ZNF248: variants seen among roughly 807,000 people sequenced by gnomAD.
ZNF248 encodes zinc finger protein 248.
ZNF248 carries 20 observed loss-of-function variants against 44.3 expected under a neutral mutation model. That is an observed-to-expected ratio of 0.45 (90% confidence interval 0.32 to 0.66). The LOEUF is 0.66. Ranked by LOEUF, ZNF248 falls within the 30% of genes least tolerant of loss-of-function variation. The pLI, the probability that ZNF248 is intolerant of heterozygous loss-of-function variation, is 0.04. For synonymous variants in ZNF248, 224 were observed against 229.0 expected (o/e 0.98, Z 0.20); for missense variants, 654 against 677.0 (o/e 0.97, Z 0.38).
the ZNF248 span, among the ~76,000 whole-genome samples, chr10:37,766,241 G>T: frequency 6.6e-6 from 1 of 152,212 alleles, no homozygotes; most frequent in Non-Finnish European, 1.5e-5. Context: ...GTCCCTGTCT[G>T]ACAGCTTTGA....
chr10:37,816,605 G>A (rs1404037555), intron 6 of ZNF248, among the ~76,000 whole-genome samples: 1 of 152,132 alleles, frequency 6.6e-6, no homozygotes, highest in African/African-American at 2.4e-5. Context: ...CCTATGTTTA[G>A]CTTGGAATTC....
In ZNF248 at chr10:37,780,323, A is replaced by G. The variant is rs959996025; in HGVS notation, c.331-3748T>C. ...GTACTGGTACTAAAACAGAGATATAAATCAATGGAACAGAACAGAGCCCTC... is the reference window on the plus strand; with the variant it reads ...GTACTGGTACTAAAACAGAGATATAGATCAATGGAACAGAACAGAGCCCTC... On this transcript the variant is annotated intron_variant, in intron 6 of 6. Transcript: ENST00000615949. 2.9e-3 allele frequency among the ~76,000 whole-genome samples: 445 copies of G among 152,324 alleles called. 2 individuals carry two copies. The highest frequency in any genetic ancestry group is 0.01 in the African/African-American group (419 of 41,582).
At chr10:37,845,902 A>C (rs1198457121) in intron 3 of ZNF248, among the ~76,000 whole-genome samples, 2 of 152,202 alleles carry the variant, frequency 1.3e-5, no homozygotes, top group African/African-American at 4.8e-5. Flanking sequence ...TAAAAAATAA[A>C]ATACCAAGTC....
At chr10:37,855,962 T>C (rs1259492600) in intron 3 of ZNF248, among the ~76,000 whole-genome samples, 9 of 152,204 alleles carry the variant, frequency 5.9e-5, no homozygotes, top group Admixed American at 2.0e-4. Context: ...ACCTCAGCGT[T>C]TGTTCTCCTG....
chr10:37,834,331 G>A (rs1176884193), intron 5 of ZNF248, among the ~76,000 whole-genome samples: 1 of 152,100 alleles, frequency 6.6e-6, no homozygotes, highest in African/African-American at 2.4e-5. Context: ...CTTGGCAGGT[G>A]TTACTATAAT....
At chr10:37,804,694 G>C (rs1329927763) in intron 6 of ZNF248, among the ~76,000 whole-genome samples, 2 of 152,162 alleles carry the variant, frequency 1.3e-5, no homozygotes, top group South Asian at 2.1e-4. Flanking sequence ...ACCCTGCCTA[G>C]GTCGCCCAAA....
At chr10:37,811,149 A>G (rs2051426256) in intron 6 of ZNF248, among the ~76,000 whole-genome samples, 1 of 152,342 alleles carries the variant, frequency 6.6e-6, no homozygotes, top group Non-Finnish European at 1.5e-5. Context: ...AAAAAGATGG[A>G]TTGCTTAATA....
chr10:37,831,153 A>AC lies in ZNF248; in HGVS notation c.*461dup. On this transcript the variant is annotated 3_prime_UTR_variant, in exon 6 of 6. Coordinates refer to ENST00000395867, the MANE Select transcript of ZNF248 (RefSeq NM_021045.3). The stretch of plus-strand genomic sequence containing the variant: ...CCATAGTAGTTACTCAATTAAGGGT[A>AC]CGTATCTTCTCCTTATGATCATGTT... The AC allele has an allele frequency of 6.7e-7, 1 of 1,501,034 alleles. No homozygotes were observed. Among genetic ancestry groups the AC allele is most frequent in the Non-Finnish European group, 8.9e-7 (1 of 1,123,134 alleles). The allele number at this position is 1,501,034 out of a possible 1,614,324, so 93.0% of individuals were successfully genotyped here.
chr10:37,771,638 G>C (rs560396364), downstream of ZNF248, among the ~76,000 whole-genome samples: 3 of 130,516 alleles, frequency 2.3e-5, no homozygotes, highest in Admixed American at 8.2e-5. Flanking sequence ...GTGGAGGGAG[G>C]GGGGAGGGAT....
intron 6 of ZNF248, among the ~76,000 whole-genome samples, chr10:37,790,355 A>AGGCTG (rs2048358810): frequency 6.6e-6 from 1 of 151,498 alleles, no homozygotes; most frequent in Non-Finnish European, 1.5e-5. Context: ...TGAGGCTGGA[A>AGGCTG]AATCGCTTGA....
chr10:37,766,525 G>A, the ZNF248 span, among the ~76,000 whole-genome samples: 1 of 152,184 alleles, frequency 6.6e-6, no homozygotes, highest in Non-Finnish European at 1.5e-5. Context: ...GGTCTGGAGT[G>A]GACCTCTAGC....
At chr10:37,828,760 C>T (rs1315974716), downstream of ZNF248, 3 of 985,178 alleles carry the variant, frequency 3.0e-6, no homozygotes, top group Non-Finnish European at 3.6e-6. Flanking sequence ...ATTAATCAAA[C>T]AGTGCAGGGA....
chr10:37,767,672 G>C, the ZNF248 span, among the ~76,000 whole-genome samples: 1 of 152,134 alleles, frequency 6.6e-6, no homozygotes, highest in Admixed American at 6.5e-5. Context: ...GCAAAAACAT[G>C]CCAAAATGTA....
intron 6 of ZNF248, among the ~76,000 whole-genome samples, chr10:37,817,143 T>C (rs1347095769): frequency 6.6e-6 from 1 of 152,114 alleles, no homozygotes; most frequent in Non-Finnish European, 1.5e-5. Context: ...AAATGGGAGC[T>C]GGGAGGCAAG....
intron 3 of ZNF248, among the ~76,000 whole-genome samples, chr10:37,841,837 A>G (rs1333988681): frequency 6.6e-6 from 1 of 152,230 alleles, no homozygotes; most frequent in African/African-American, 2.4e-5. Context: ...TGAGGAAGAC[A>G]GTAGACAAAT....
In ZNF248 at chr10:37,830,002, G is replaced by A; in HGVS notation, c.*1613C>T. The stretch of plus-strand genomic sequence containing the variant: ...CATGTGGGCAGTGTCTCTTAGAACT[G>A]CTGACCAATGTGTTCCAAGGGGGCA... On this transcript the variant is annotated 3_prime_UTR_variant, in exon 6 of 6. Transcript: ENST00000395867. 1.0e-6 allele frequency: 1 copy of A among 985,410 alleles called. No homozygotes were observed. Among genetic ancestry groups the A allele is most frequent in the Non-Finnish European group, 1.2e-6 (1 of 829,940 alleles). 61.0% of individuals were successfully genotyped at this position (985,410 alleles called of 1,614,324 possible). A position where few individuals can be genotyped will look rare whatever the true frequency, so the allele number is the denominator to read the frequency against.
intron 3 of ZNF248, among the ~76,000 whole-genome samples, chr10:37,852,685 A>G (rs2060499958): frequency 6.7e-6 from 1 of 148,808 alleles, no homozygotes; most frequent in Non-Finnish European, 1.5e-5. Flanking sequence ...TATATATGTT[A>G]TATATGTAAA....
At chr10:37,835,334 G>A (rs61528337) in intron 5 of ZNF248, among the ~76,000 whole-genome samples, 5,621 of 152,252 alleles carry the variant, frequency 0.037, 323 homozygotes, top group African/African-American at 0.13. Flanking sequence ...TATTAGTACG[G>A]TGATGCCATG....
At chr10:37,787,038 G>GGGA (rs1334521745) in intron 6 of ZNF248, among the ~76,000 whole-genome samples, 1 of 152,140 alleles carries the variant, frequency 6.6e-6, no homozygotes, top group African/African-American at 2.4e-5. Context: ...CCAGCACTTT[G>GGGA]GGAGGCTGAG....
Sources: allele counts gnomAD v4.1 joint callset (sites outside exome capture counted in the v4.1 genomes callset), GRCh38; gene constraint gnomAD v4.1.1; transcripts MANE v1.5; gene names NCBI Gene and HGNC (gene_info 2026-07-23, HGNC 2026-07-21).